GPR158: variants seen among roughly 807,000 people sequenced by gnomAD.
GPR158 encodes the protein G protein-coupled receptor 158.
In GPR158, 30 loss-of-function variants were observed where a neutral mutation model predicts 78.2. That is an observed-to-expected ratio of 0.38 (90% CI 0.29 to 0.52). The LOEUF is 0.52. GPR158 is among the 20% of genes least tolerant of loss of function. GPR158 has a pLI of 0.83. For missense variants in GPR158, 1,463 were observed against 1,523.5 expected, an observed-to-expected ratio of 0.96 and a Z score of 0.66; for synonymous variants, 581 against 591.1, an observed-to-expected ratio of 0.98 and a Z score of 0.25.
intron 5 of GPR158, among the ~76,000 whole-genome samples, chr10:25,525,107 GAT>G (rs1836329949): frequency 1.3e-5 from 2 of 152,100 alleles, no homozygotes; most frequent in Admixed American, 6.6e-5. Flanking sequence ...TAATAAAAAA[GAT>G]AGATAAAAAA....
chr10:25,307,609 A>T (rs181277332), intron 2 of GPR158, among the ~76,000 whole-genome samples: 86 of 152,134 alleles, frequency 5.7e-4, no homozygotes, highest in African/African-American at 2.0e-3. Context: ...TTCTGGGCTC[A>T]AGCAATCTTC....
Position 25,421,512 on chromosome 10 carries a change from A to T in GPR158, c.1335+9039A>T, listed in dbSNP as rs566948778. Among the ~76,000 whole-genome samples, 18 of 152,080 alleles carry T rather than the reference A, an allele frequency of 1.2e-4. 1 individual carries two copies. The South Asian group carries it at 2.7e-3, about 23-fold the overall frequency. On this transcript the variant is annotated intron_variant, in intron 4 of 10. Transcript: ENST00000376351. ...GTAGAAGTTCCTTACTGATTTATAA[A>T]TTTTTTTTCTTAAACCTAATTCTAG...
At chr10:25,467,597 T>C (rs1564463432) in intron 5 of GPR158, among the ~76,000 whole-genome samples, 1 of 152,168 alleles carries the variant, frequency 6.6e-6, no homozygotes. Flanking sequence ...ACCTATCTAA[T>C]GAGAATTTAT....
At chr10:25,385,729 A>G (rs1834213590) in intron 2 of GPR158, among the ~76,000 whole-genome samples, 2 of 152,086 alleles carry the variant, frequency 1.3e-5, no homozygotes, top group African/African-American at 4.8e-5. Context: ...AGTGATGTTT[A>G]ACATCTTTTC....
At position 25,175,197 on chromosome 10, in the gene GPR158, C is replaced by G; in HGVS notation, c.-224C>G. ...AATCCCCAGCCGGCCCCTCGCGCAG[C>G]GGGCACGGCCAGCGCTGCCACAGGT... On this transcript the variant is annotated 5_prime_UTR_variant, in exon 1 of 11. Transcript: ENST00000376351. The surrounding 1 kb of genome is among the most constrained non-coding windows in gnomAD (Gnocchi z 6.4). The G allele has an allele frequency of 2.1e-6, 1 of 473,484 alleles. No individual in the cohort carries two copies. The highest frequency in any genetic ancestry group is 3.8e-5 in the South Asian group (1 of 26,382). The allele number at this position is 473,484 out of a possible 1,614,324, so 29.3% of individuals were successfully genotyped here. A position where few individuals can be genotyped will look rare whatever the true frequency, so the allele number is the denominator to read the frequency against.
intron 2 of GPR158, among the ~76,000 whole-genome samples, chr10:25,371,884 C>T (rs200626953): frequency 0.11 from 14,988 of 133,334 alleles, 1,222 homozygotes; most frequent in Non-Finnish European, 0.17. Flanking sequence ...AGAGCTTCTG[C>T]ACAGCAAAAG....
chr10:25,339,820 T>A (rs1855277512), intron 2 of GPR158, among the ~76,000 whole-genome samples: 1 of 152,114 alleles, frequency 6.6e-6, no homozygotes, highest in South Asian at 2.1e-4. Context: ...GAATGGTTTC[T>A]TAATGTTAAA....
At chr10:25,285,344 T>A (rs1436385325) in intron 2 of GPR158, among the ~76,000 whole-genome samples, 1 of 151,990 alleles carries the variant, frequency 6.6e-6, no homozygotes, top group Non-Finnish European at 1.5e-5. Flanking sequence ...TGAGAGGAGA[T>A]TTAGTGGGGG....
intron 5 of GPR158, among the ~76,000 whole-genome samples, chr10:25,504,591 G>A (rs960934686): frequency 9.2e-5 from 14 of 152,110 alleles, no homozygotes; most frequent in African/African-American, 3.4e-4. Flanking sequence ...CTGCCCGCTG[G>A]AGCCCTCCCA....
intron 2 of GPR158, among the ~76,000 whole-genome samples, chr10:25,294,592 C>T (rs896929215): frequency 3.3e-5 from 5 of 151,160 alleles, no homozygotes; most frequent in Admixed American, 6.6e-5. Context: ...TACACCATTA[C>T]AGGTGATAGT....
intron 2 of GPR158, among the ~76,000 whole-genome samples, chr10:25,364,238 A>G (rs1855685339): frequency 6.6e-6 from 1 of 151,936 alleles, no homozygotes; most frequent in Non-Finnish European, 1.5e-5. Context: ...GTTCTTAACC[A>G]CAAATTCACC....
At chr10:25,514,705 G>A (rs1206938921) in intron 5 of GPR158, among the ~76,000 whole-genome samples, 1 of 152,200 alleles carries the variant, frequency 6.6e-6, no homozygotes, top group Non-Finnish European at 1.5e-5. Context: ...TTGTAGTGCT[G>A]GCTTGGTTGT....
chr10:25,241,326 CTTCTCTTCTCTT>C (rs1222422402), intron 2 of GPR158, among the ~76,000 whole-genome samples: 5 of 123,676 alleles, frequency 4.0e-5, no homozygotes, highest in Admixed American at 8.6e-5. Flanking sequence ...CTTCTCTTCT[CTTCTCTTCTCTT>C]TTCTCTTTTC....
intron 2 of GPR158, among the ~76,000 whole-genome samples, chr10:25,390,057 AT>A (rs1277428791): frequency 6.6e-6 from 1 of 152,178 alleles, no homozygotes; most frequent in African/African-American, 2.4e-5. Context: ...GTCTGCCACC[AT>A]GTAAGACATG....
rs987741441 is a variant in GPR158 at position 25,175,819 on chromosome 10, C to G, written c.399C>G (p.Thr133=). The G allele has an allele frequency of 6.2e-7, 1 of 1,612,880 alleles. No individual in the cohort carries two copies. Among genetic ancestry groups the G allele is most frequent in the Non-Finnish European group, 8.5e-7 (1 of 1,179,986 alleles). Residue 133 remains threonine, a synonymous_variant, in exon 1 of 11, where the codon ACC becomes ACG. Transcript: ENST00000376351. The surrounding 1 kb of genome is among the most constrained non-coding windows in gnomAD (Gnocchi z 6.4). ...HRALDTLTHA[T]NFLNVMLQSN... ...CGCTGGACACACTGACACACGCCAC[C>G]AACTTCCTCAACGTGATGCTGCAGA...
chr10:25,462,695 G>A (rs1835371865), intron 4 of GPR158, among the ~76,000 whole-genome samples: 2 of 152,184 alleles, frequency 1.3e-5, no homozygotes, highest in African/African-American at 4.8e-5. Flanking sequence ...CTTCAGTGAA[G>A]AAACTAACTG....
rs1554782390 is a variant in GPR158 at position 25,189,872 on chromosome 10, GTA to G, written c.902+13552_902+13553del. 9.9e-3 allele frequency among the ~76,000 whole-genome samples: 1,449 copies of G among 146,828 alleles called. 8 individuals are homozygous for G. The highest frequency in any genetic ancestry group is 0.021 in the Middle Eastern group (6 of 292). ...TGTGTGTGTGTGTGTGTGTGTGTGT[GTA>G]TGTGTATGTACCTGGAAGAACAGAA... On this transcript the variant is annotated intron_variant, in intron 1 of 10. Transcript: ENST00000376351.
chr10:25,224,669 AAT>A (rs1853348896), intron 2 of GPR158, among the ~76,000 whole-genome samples: 1 of 152,036 alleles, frequency 6.6e-6, no homozygotes, highest in Admixed American at 6.6e-5. Flanking sequence ...GCTTAGTTTT[AAT>A]ATCTGTCATG....
chr10:25,324,828 T>C (rs1855005300), intron 2 of GPR158, among the ~76,000 whole-genome samples: 1 of 117,404 alleles, frequency 8.5e-6, no homozygotes, highest in African/African-American at 4.0e-5. Context: ...TTCTTTTTTC[T>C]TTCTTTTTTT....
Sources: allele counts gnomAD v4.1 joint callset (sites outside exome capture counted in the v4.1 genomes callset), GRCh38; gene constraint gnomAD v4.1.1; non-coding constraint Gnocchi (gnomAD v3.1); transcripts MANE v1.5; gene names NCBI Gene and HGNC (gene_info 2026-07-23, HGNC 2026-07-21).